The following ENPP2 variants were observed in gnomAD, a reference collection of about 807,000 sequenced individuals.
ENPP2 encodes autotaxin.
ENPP2 carries 51 observed loss-of-function variants against 120.2 expected under a neutral mutation model. The ratio of observed to expected loss-of-function variants is 0.42; its 90% CI spans 0.34 to 0.54. The LOEUF (loss-of-function observed/expected upper bound fraction) is 0.54, where lower values mean the gene tolerates loss of function less well. Ranked by LOEUF, ENPP2 falls within the 20% of genes least tolerant of loss-of-function variation. ENPP2 has a pLI of 0.04. For missense variants in ENPP2, 920 were observed against 1,066.5 expected (o/e 0.86, Z 1.91); for synonymous variants, 365 against 366.4 (o/e 1.00, Z 0.04).
intron 19 of ENPP2, among the ~76,000 whole-genome samples, chr8:119,575,532 G>A (rs1812273440): frequency 6.6e-6 from 1 of 152,052 alleles, no homozygotes; most frequent in Non-Finnish European, 1.5e-5. Context: ...ATTTTCTTTT[G>A]ACATATTCCC....
At chr8:119,572,093 CAAAT>C (rs1815045686) in intron 19 of ENPP2, 1 of 837,098 alleles carries the variant, frequency 1.2e-6, no homozygotes, top group Non-Finnish European at 1.9e-6. Flanking sequence ...ATATAATAAA[CAAAT>C]AAAACACCAG....
Position 119,583,966 on chromosome 8 carries a change from A to G in ENPP2, c.1451T>C (p.Met484Thr), listed in dbSNP as rs1249094697. The G allele has an allele frequency of 1.2e-6, 2 of 1,611,388 alleles. No individual in the cohort carries two copies. The change falls in exon 16 of 25, where the codon ATG (methionine) becomes ACG (threonine). Residue 484 changes from methionine (M) to threonine (T), a missense_variant. Transcript: ENST00000075322. ...DHGFDNKVNS[M>T]QTVFVGYGST... is the part of the protein sequence containing the mutation. ...TTCACAGTTCTGCCATCATACCTGC[A>G]TGCTGTTGACCTTGTTATCAAATCC...
At chr8:119,646,289 C>G (rs1030719856) in intron 1 of ENPP2, among the ~76,000 whole-genome samples, 5 of 152,138 alleles carry the variant, frequency 3.3e-5, no homozygotes, top group African/African-American at 9.7e-5. Context: ...AAACTTAAAA[C>G]TTTTCTGTTT....
chr8:119,629,360 A>C (rs1044251144), intron 2 of ENPP2, among the ~76,000 whole-genome samples: 3 of 152,296 alleles, frequency 2.0e-5, no homozygotes, highest in South Asian at 2.1e-4. Context: ...CATGCTTATG[A>C]ATTTTTCATT....
At position 119,582,537 on chromosome 8, in the gene ENPP2, T is replaced by A; in HGVS notation, c.1609A>T (p.Thr537Ser). ...GGCATGGTTGGCCTGAAGGTATTAG[T>A]GCGCAGGAGATGATTCAAACTTCCA... ...THGSLNHLLRTNTFRPTMPEE... is the reference protein window; with the variant it reads ...THGSLNHLLRSNTFRPTMPEE... Residue 537 changes from threonine (T) to serine (S), a missense_variant, in exon 18 of 25, where the codon ACT becomes TCT. Thr to Ser is a moderately conservative substitution (Grantham distance 58). Transcript: ENST00000075322. The A allele has an allele frequency of 1.2e-6, 2 of 1,613,812 alleles. No individual in the cohort carries two copies. Among genetic ancestry groups the A allele is most frequent in the South Asian group, 2.2e-5 (2 of 91,068 alleles).
rs115364610 is a variant in ENPP2, at chr8:119,657,949, G to T, written c.21+15303C>A. The stretch of plus-strand genomic sequence containing the variant: ...TGCCTTGTGCATTTACACACACAAC[G>T]TGGCTCATCCATAGTAAATGATTAG... On this transcript the variant is annotated intron_variant, in intron 1 of 25. Transcript: ENST00000427067. Among the ~76,000 whole-genome samples the T allele has an allele frequency of 4.8e-3, 725 of 152,262 alleles. 9 individuals carry two copies. Among genetic ancestry groups the T allele is most frequent in the African/African-American group, 0.016 (685 of 41,554 alleles).
At chr8:119,585,703 G>A (rs1813059328) in intron 15 of ENPP2, among the ~76,000 whole-genome samples, 1 of 152,020 alleles carries the variant, frequency 6.6e-6, no homozygotes, top group Non-Finnish European at 1.5e-5. Flanking sequence ...TTCAATAGAA[G>A]GCAAACATTG....
chr8:119,570,772 T>G lies in ENPP2; in HGVS notation c.1850A>C (p.Asp617Ala), dbSNP rs1563677242. The part of the protein sequence containing the change: ...RTRYDILYHT[D>A]FESGYSEIFL... The stretch of plus-strand genomic sequence containing the variant: ...TATTTCACTATAACCACTTTCAAAG[T>G]CAGTGTGATATAAGATATCATATCT... The change falls in exon 20 of 25, where the codon GAC becomes GCC. Residue 617 changes from aspartate to alanine, a missense_variant. Asp to Ala is a moderately radical substitution (Grantham distance 126, BLOSUM62 -2). Coordinates refer to ENST00000075322, the MANE Select transcript of ENPP2 (RefSeq NM_001040092.3). 1 of 1,593,970 alleles carries G rather than the reference T, an allele frequency of 6.3e-7. No individual in the cohort carries two copies. Among genetic ancestry groups the G allele is most frequent in the Non-Finnish European group, 8.6e-7 (1 of 1,166,764 alleles).
intron 18 of ENPP2, chr8:119,580,695 C>T (rs1587378556): frequency 6.6e-6 from 1 of 152,426 alleles, no homozygotes; most frequent in East Asian, 1.9e-4. Flanking sequence ...GTTGTAAGAG[C>T]TAACATTTGC....
intron 2 of ENPP2, among the ~76,000 whole-genome samples, chr8:119,634,650 T>G (rs2130822514): frequency 6.6e-6 from 1 of 152,282 alleles, no homozygotes. Flanking sequence ...TGGATAAAAT[T>G]TTAGATCATC....
rs1455020653 is a variant in ENPP2 at position 119,603,530 on chromosome 8, G to T, written c.834-2068C>A. 1.3e-5 allele frequency among the ~76,000 whole-genome samples: 2 copies of T among 151,982 alleles called. 1 individual carries two copies. Among genetic ancestry groups the T allele is most frequent in the South Asian group, 4.2e-4 (2 of 4,812 alleles). ...CCAACAAATGCTGGTGATAAGACTT[G>T]GCAAGTTATCTAAACTTTTGATGCC... is the stretch of plus-strand genomic sequence containing the variant. On this transcript the variant is annotated intron_variant, in intron 9 of 24. Coordinates refer to ENST00000075322, the MANE Select transcript of ENPP2 (RefSeq NM_001040092.3).
intron 8 of ENPP2, among the ~76,000 whole-genome samples, chr8:119,616,058 C>T (rs1815434320): frequency 6.6e-6 from 1 of 151,288 alleles, no homozygotes; most frequent in African/African-American, 2.4e-5. Flanking sequence ...ATATATAATG[C>T]ATATATACAC....
At chr8:119,638,566 G>A in intron 1 of ENPP2, 39 bp from the exon 2 acceptor site, 1 of 1,251,796 alleles carries the variant, frequency 8.0e-7, no homozygotes, top group South Asian at 1.2e-5. Flanking sequence ...AATACAGCTG[G>A]AGAAGACTAA....
intron 11 of ENPP2, among the ~76,000 whole-genome samples, chr8:119,598,351 C>G (rs1351024366): frequency 6.6e-6 from 1 of 152,120 alleles, no homozygotes; most frequent in Non-Finnish European, 1.5e-5. Flanking sequence ...AATACCCTAG[C>G]TGCAAGAAGT....
chr8:119,672,358 G>A (rs1464852649), intron 1 of ENPP2, among the ~76,000 whole-genome samples: 1 of 152,156 alleles, frequency 6.6e-6, no homozygotes, highest in South Asian at 2.1e-4. Flanking sequence ...CCATCCTGCT[G>A]GGCACTAGAG....
Position 119,587,194 on chromosome 8 carries a change from G to C in ENPP2, c.1208-119C>G. ...CATCCCACAGAAGACTATCACTTTA[G>C]TGTTTTGTTTGAAAGATAAATAATT... On this transcript the variant is annotated intron_variant, in intron 13 of 24. Transcript: ENST00000075322. 6 of 824,428 alleles carry C rather than the reference G, an allele frequency of 7.3e-6. No homozygotes were observed. In the South Asian group the frequency reaches 9.2e-5, roughly 13 times the overall value. The allele number at this position is 824,428 out of a possible 1,614,324, so 51.1% of individuals were successfully genotyped here.
chr8:119,608,457 G>C (rs1814874723), intron 8 of ENPP2, among the ~76,000 whole-genome samples: 1 of 152,150 alleles, frequency 6.6e-6, no homozygotes, highest in African/African-American at 2.4e-5. Flanking sequence ...GAATGAGAAG[G>C]GGGAAAAAGG....
intron 4 of ENPP2, among the ~76,000 whole-genome samples, chr8:119,620,792 G>A (rs868053861): frequency 1.7e-4 from 26 of 152,264 alleles, no homozygotes; most frequent in South Asian, 4.1e-4. Context: ...TATGGCTTTG[G>A]GGTATAACAG....
intron 19 of ENPP2, among the ~76,000 whole-genome samples, chr8:119,579,696 T>C (rs1812595066): frequency 1.3e-5 from 2 of 152,028 alleles, no homozygotes; most frequent in African/African-American, 4.8e-5. Flanking sequence ...TTTGATTCCT[T>C]CGGTGAATCT....
Sources: allele counts gnomAD v4.1 joint callset (sites outside exome capture counted in the v4.1 genomes callset), GRCh38; gene constraint gnomAD v4.1.1; transcripts MANE v1.5; gene names NCBI Gene and HGNC (gene_info 2026-07-23, HGNC 2026-07-21).